UBA5: variants seen among roughly 807,000 people sequenced by gnomAD.
UBA5 encodes ubiquitin-like modifier-activating enzyme 5.
A neutral mutation model predicts 52.9 loss-of-function variants in UBA5; 28 were observed. The observed-to-expected ratio is 0.53, with a 90% CI of 0.39 to 0.73. UBA5 has a LOEUF of 0.73. Among genes scored for constraint, UBA5 ranks in the 30% least tolerant of loss-of-function variants. The pLI is 0.00. For missense variants in UBA5, 388 were observed against 492.7 expected, an observed-to-expected ratio of 0.79 and a Z score of 2.01; for synonymous variants, 135 against 162.1, an observed-to-expected ratio of 0.83 and a Z score of 1.27.
rs1236988814 is a variant in UBA5 at position 132,676,576 on chromosome 3, G to A, written c.*50G>A. 7.1e-7 allele frequency: 1 copy of A among 1,411,954 alleles called. No homozygotes were observed. The highest frequency in any genetic ancestry group is 2.3e-5 in the East Asian group (1 of 43,596). 87.5% of individuals were successfully genotyped at this position (1,411,954 alleles called of 1,614,324 possible). A position where few individuals can be genotyped will look rare whatever the true frequency, so the allele number is the denominator to read the frequency against. On this transcript the variant is annotated 3_prime_UTR_variant, in exon 12 of 12. Coordinates refer to ENST00000356232, the MANE Select transcript of UBA5 (RefSeq NM_024818.6). This position sits in a 1 kb window ranked among gnomAD's most constrained non-coding sequence, Gnocchi z 4.1. ...TTCTCATGTTAAAGCCTCTTCCCTT[G>A]AAATTAAAAAAAAATTTTAACTGAT...
chr3:132,668,265 T>C (rs183985335), intron 3 of UBA5: 1 of 152,490 alleles, frequency 6.6e-6, no homozygotes, highest in Admixed American at 6.5e-5. Flanking sequence ...TGTAATTCTA[T>C]TTGGAATAAT....
At chr3:132,660,213 G>T, upstream of UBA5, 2 of 444,438 alleles carry the variant, frequency 4.5e-6, no homozygotes, top group South Asian at 6.6e-5. This position sits in a 1 kb window ranked among gnomAD's most constrained non-coding sequence, Gnocchi z 4.1. Context: ...AACATCGCTG[G>T]CCTCCTGCCC....
chr3:132,667,379 A>C lies in UBA5; in HGVS notation c.297+1306A>C, dbSNP rs1938421800. 4 of 152,302 alleles carry C rather than the reference A, an allele frequency of 2.6e-5. No homozygotes were observed. In the South Asian group the frequency reaches 8.3e-4, roughly 32 times the overall value. 9.4% of individuals were successfully genotyped at this position (152,302 alleles called of 1,614,324 possible). A position where few individuals can be genotyped will look rare whatever the true frequency, so the allele number is the denominator to read the frequency against. ...GTTAGAATCACCTGGGAAGTTTTAA[A>C]AAATTCTGGTGTCCAGACTGCACCC... On this transcript the variant is annotated intron_variant, in intron 3 of 11. Coordinates refer to ENST00000356232, the MANE Select transcript of UBA5 (RefSeq NM_024818.6).
chr3:132,658,781 C>A (rs1262900576), upstream of UBA5, among the ~76,000 whole-genome samples: 1 of 152,160 alleles, frequency 6.6e-6, no homozygotes, highest in Non-Finnish European at 1.5e-5. Flanking sequence ...TGATAAAATA[C>A]CACTAGCACA....
intron 3 of UBA5, chr3:132,667,960 C>A (rs1938443340): frequency 6.6e-6 from 1 of 152,012 alleles, no homozygotes; most frequent in African/African-American, 2.4e-5. Flanking sequence ...GTATTAAGGG[C>A]TATCTAGGTG....
chr3:132,669,072 G>A (rs1938494630), intron 4 of UBA5, 145 bp downstream of exon 4: 2 of 551,190 alleles, frequency 3.6e-6, no homozygotes, highest in Non-Finnish European at 6.1e-6. Context: ...TTGGACATGG[G>A]TTGGCAAACT....
chr3:132,669,268 T>A (rs778516773), intron 4 of UBA5, among the ~76,000 whole-genome samples: 73 of 152,156 alleles, frequency 4.8e-4, no homozygotes, highest in Non-Finnish European at 7.9e-4. Context: ...ATTTTTTTAA[T>A]TAAAAAATAA....
chr3:132,675,635 G>A lies in UBA5; in HGVS notation c.979G>A (p.Val327Ile), dbSNP rs759071206. 6.2e-7 allele frequency: 1 copy of A among 1,612,986 alleles called. No homozygotes were observed. The highest frequency in any genetic ancestry group is 8.5e-7 in the Non-Finnish European group (1 of 1,179,412). The change falls in exon 10 of 12, where the codon GTT becomes ATT. Residue 327 changes from valine (V) to isoleucine (I), a missense_variant. Val to Ile is a conservative substitution (Grantham distance 29, BLOSUM62 3). This residue lies in a region of UBA5 where 277 missense variants were observed against 326.4 expected (regional missense o/e 0.85). Transcript: ENST00000356232. The stretch of plus-strand genomic sequence containing the variant: ...GGTAGCAGCACTGCCTAAACAAGAG[G>A]TTATACAAGAAGAGGAAGAGATAAT... ...KKVAALPKQE[V>I]IQEEEEIIHE...
chr3:132,675,561 C>T, intron 9 of UBA5, 44 bp from the exon 10 acceptor site: 4 of 1,565,562 alleles, frequency 2.6e-6, no homozygotes, highest in Non-Finnish European at 2.6e-6. Context: ...CTTTAGAGAA[C>T]TGAGAATGAG....
At chr3:132,675,145 A>T (rs898712755) in intron 8 of UBA5, 103 bp from the exon 9 acceptor site, 23 of 851,678 alleles carry the variant, frequency 2.7e-5, no homozygotes, top group African/African-American at 1.7e-4. Context: ...GGTTAAAAAA[A>T]ATATATAATT....
intron 8 of UBA5, among the ~76,000 whole-genome samples, chr3:132,674,865 CTTAA>C (rs959534922): frequency 1.3e-5 from 2 of 152,086 alleles, no homozygotes; most frequent in Non-Finnish European, 2.9e-5. Flanking sequence ...AAGTAGCTTT[CTTAA>C]TTATCTCAGG....
At chr3:132,655,530 CTCTG>C (rs1174329240), upstream of UBA5, among the ~76,000 whole-genome samples, 1 of 152,208 alleles carries the variant, frequency 6.6e-6, no homozygotes, top group Non-Finnish European at 1.5e-5. Context: ...TAGCAGTCCC[CTCTG>C]TCTGGAACAC....
rs767939963 is a variant in UBA5 at position 132,666,053 on chromosome 3, A to G, written c.277A>G (p.Thr93Ala). The G allele has an allele frequency of 1.7e-5, 28 of 1,613,384 alleles. No homozygotes were observed. Among genetic ancestry groups the G allele is most frequent in the Admixed American group, 1.5e-4 (9 of 59,968 alleles). The change falls in exon 3 of 12, where the codon ACA becomes GCA. Residue 93 changes from threonine (T) to alanine (A), a missense_variant. Physicochemically the swap from Thr to Ala is moderately conservative, Grantham distance 58 (BLOSUM62 0). Around this residue, in one of 3 missense-constraint regions of UBA5, gnomAD observed 16 missense variants for 59.3 expected, o/e 0.27. Coordinates refer to ENST00000356232, the MANE Select transcript of UBA5 (RefSeq NM_024818.6). Reference sequence around the variant, plus strand: ...AGGTAGTGTGACTGCTGAAATGCTGACAAGATGTGGCATTGGTAAGGTAAA... The same window carrying G: ...AGGTAGTGTGACTGCTGAAATGCTGGCAAGATGTGGCATTGGTAAGGTAAA... ...GVGSVTAEML[T>A]RCGIGKLLLF...
In UBA5 at chr3:132,676,741, C is replaced by A. The variant is rs1329169945; in HGVS notation, c.*215C>A. On this transcript the variant is annotated 3_prime_UTR_variant, in exon 12 of 12. Transcript: ENST00000356232. This position sits in a 1 kb window ranked among gnomAD's most constrained non-coding sequence, Gnocchi z 4.1. ...AATGTGTTTCATTCTAGTAAGAAAACCTCAAAGGATATTGTAGGATATAAA... is the reference window on the plus strand; with the variant it reads ...AATGTGTTTCATTCTAGTAAGAAAAACTCAAAGGATATTGTAGGATATAAA... The A allele has an allele frequency of 3.3e-6, 2 of 599,940 alleles. No individual in the cohort carries two copies. Among genetic ancestry groups the A allele is most frequent in the Non-Finnish European group, 6.2e-6 (2 of 321,290 alleles). 37.2% of individuals were successfully genotyped at this position (599,940 alleles called of 1,614,324 possible).
In UBA5 at chr3:132,676,631, A is replaced by G. The variant is rs1419644819; in HGVS notation, c.*105A>G. 1.7e-5 allele frequency: 13 copies of G among 766,324 alleles called. 1 individual carries two copies. The highest frequency in any genetic ancestry group is 7.0e-4 in the Middle Eastern group (2 of 2,840). 47.5% of individuals were successfully genotyped at this position (766,324 alleles called of 1,614,324 possible). A position where few individuals can be genotyped will look rare whatever the true frequency, so the allele number is the denominator to read the frequency against. ...CTTAGGGCAACATTAATTAATGTATATTCTTACCTGAATTGTTATACTTTT... is the reference window on the plus strand; with the variant it reads ...CTTAGGGCAACATTAATTAATGTATGTTCTTACCTGAATTGTTATACTTTT... On this transcript the variant is annotated 3_prime_UTR_variant, in exon 12 of 12. Transcript: ENST00000356232. This position sits in a 1 kb window ranked among gnomAD's most constrained non-coding sequence, Gnocchi z 4.1.
At position 132,676,038 on chromosome 3, in the gene UBA5, G is replaced by C. The variant is rs1938825158; in HGVS notation, c.1131+115G>C. On this transcript the variant is annotated intron_variant, in intron 11 of 11. Coordinates refer to ENST00000356232, the MANE Select transcript of UBA5 (RefSeq NM_024818.6). This position sits in a 1 kb window ranked among gnomAD's most constrained non-coding sequence, Gnocchi z 4.1. Reference sequence around the variant, plus strand: ...CCTGTTTTAGATATTTTATGCTATAGGCATTAAGATGTGAGAGAGAGGTAT... The same window carrying C: ...CCTGTTTTAGATATTTTATGCTATACGCATTAAGATGTGAGAGAGAGGTAT... 2.8e-6 allele frequency: 2 copies of C among 718,252 alleles called. No homozygotes were observed. The highest frequency in any genetic ancestry group is 6.0e-5 in the Admixed American group (2 of 33,062). The allele number at this position is 718,252 out of a possible 1,614,324, so 44.5% of individuals were successfully genotyped here. A position where few individuals can be genotyped will look rare whatever the true frequency, so the allele number is the denominator to read the frequency against.
Position 132,679,267 on chromosome 3 carries a change from CA to C in UBA5, c.*2750del, listed in dbSNP as rs917004296. ...TGGAAAACAGAGTGAGACTCTGTCT[CA>C]AAAAAAAAGGTATTGATGAATAAAA... On this transcript the variant is annotated 3_prime_UTR_variant, in exon 12 of 12. Coordinates refer to ENST00000356232, the MANE Select transcript of UBA5 (RefSeq NM_024818.6). Among the ~76,000 whole-genome samples the C allele has an allele frequency of 1.8e-4, 27 of 148,406 alleles. No individual in the cohort carries two copies. Among genetic ancestry groups the C allele is most frequent in the Admixed American group, 1.2e-3 (18 of 14,940 alleles).
chr3:132,672,066 T>G lies in UBA5; in HGVS notation c.701T>G (p.Val234Gly). 1 of 1,613,996 alleles carries G rather than the reference T, an allele frequency of 6.2e-7. No individual in the cohort carries two copies. Among genetic ancestry groups the G allele is most frequent in the South Asian group, 1.1e-5 (1 of 91,070 alleles). Residue 234 changes from valine to glycine, a missense_variant, in exon 8 of 12, where the codon GTA becomes GGA. Around this residue, in one of 3 missense-constraint regions of UBA5, gnomAD observed 277 missense variants for 326.4 expected, o/e 0.85. Coordinates refer to ENST00000356232, the MANE Select transcript of UBA5 (RefSeq NM_024818.6). ...TTCATGTAGTGTGCTCCACCACTTG[T>G]AGTTGCTGCAAATATTGATGAAAAG... is the stretch of plus-strand genomic sequence containing the variant. ...SACFACAPPLVVAANIDEKTL... is the reference protein window; with the variant it reads ...SACFACAPPLGVAANIDEKTL...
chr3:132,664,382 A>G lies in UBA5; in HGVS notation c.162-1441A>G, dbSNP rs1938285819. Among the ~76,000 whole-genome samples the G allele has an allele frequency of 2.0e-5, 3 of 152,338 alleles. No homozygotes were observed. The South Asian group carries it at 6.2e-4, about 32-fold the overall frequency. On this transcript the variant is annotated intron_variant, in intron 1 of 11. Coordinates refer to ENST00000356232, the MANE Select transcript of UBA5 (RefSeq NM_024818.6). The stretch of plus-strand genomic sequence containing the variant: ...TTGCTTTGTCATTTTTATAAAGAAT[A>G]TAATTTTGATAAGGAACATTTTCAG...
Sources: gnomAD v4.1 joint callset for allele counts (sites outside exome capture counted in the v4.1 genomes callset) on GRCh38, gnomAD v4.1.1 for gene constraint, gnomAD v4.1.1 regional missense constraint, Gnocchi (gnomAD v3.1) non-coding constraint, MANE v1.5 for transcripts, NCBI Gene and HGNC (gene_info 2026-07-23, HGNC 2026-07-21) for gene names.